NELL2: variants seen among roughly 807,000 people sequenced by gnomAD.
NELL2 encodes the protein protein kinase C-binding protein NELL2.
A neutral mutation model predicts 109.6 loss-of-function variants in NELL2; 41 were observed. The observed-to-expected ratio is 0.37, with a 90% CI of 0.29 to 0.49. The LOEUF (loss-of-function observed/expected upper bound fraction) is 0.49. NELL2 is among the 20% of genes least tolerant of loss of function. The pLI, the probability that NELL2 is intolerant of heterozygous loss-of-function variation, is 0.98. For synonymous variants in NELL2, 355 were observed against 344.7 expected (o/e 1.03, Z -0.33); for missense variants, 900 against 1,008.3 (o/e 0.89, Z 1.45).
chr12:44,802,309 T>C (rs1187050069), intron 3 of NELL2, among the ~76,000 whole-genome samples: 1 of 152,088 alleles, frequency 6.6e-6, no homozygotes, highest in Non-Finnish European at 1.5e-5. Context: ...CTATAAATAT[T>C]GAAAAAACAA....
At chr12:44,759,376 A>G (rs954001903) in intron 9 of NELL2, among the ~76,000 whole-genome samples, 1 of 152,176 alleles carries the variant, frequency 6.6e-6, no homozygotes, top group African/African-American at 2.4e-5. Flanking sequence ...CCTAGGAGTA[A>G]AGAGGCTTTG....
chr12:44,893,941 A>G (rs1945564693), intron 1 of NELL2, among the ~76,000 whole-genome samples: 1 of 152,230 alleles, frequency 6.6e-6, no homozygotes, highest in East Asian at 1.9e-4. Flanking sequence ...TTTATAAAGT[A>G]TAATAAAATT....
intron 2 of NELL2, among the ~76,000 whole-genome samples, chr12:44,863,515 A>G (rs571103128): frequency 1.8e-3 from 87 of 47,234 alleles, no homozygotes; most frequent in Non-Finnish European, 3.6e-3. Context: ...AAATTGTAGA[A>G]GTAATAAAAA....
In NELL2 at chr12:44,899,501, T is replaced by TCCAA. The variant is rs557882053; in HGVS notation, c.38+14294_38+14297dup. 2.0e-5 allele frequency among the ~76,000 whole-genome samples: 3 copies of TCCAA among 152,220 alleles called. No individual in the cohort carries two copies. In the South Asian group the frequency reaches 6.2e-4, roughly 32 times the overall value. On this transcript the variant is annotated intron_variant, in intron 1 of 20. Transcript: ENST00000333837. ...AGAATTTTCCACCCAGAATTTTATA[T>TCCAA]CCAACCAAACTAAGCTTCAAAAGCG...
At chr12:44,711,464 G>C (rs1482142279) in intron 10 of NELL2, 70 bp from the exon 11 acceptor site, 1 of 1,330,240 alleles carries the variant, frequency 7.5e-7, no homozygotes, top group Admixed American at 1.8e-5. Context: ...TCCAGATCCA[G>C]CATCTGAGAA....
intron 11 of NELL2, 132 bp from the exon 12 acceptor site, chr12:44,703,986 T>C: frequency 1.4e-6 from 1 of 710,320 alleles, no homozygotes; most frequent in Non-Finnish European, 2.2e-6. Context: ...TTCATCAACA[T>C]TTACAGAAGA....
At chr12:44,876,546 C>T (rs1469514227), upstream of NELL2, 3 of 1,455,978 alleles carry the variant, frequency 2.1e-6, no homozygotes, top group Non-Finnish European at 2.7e-6. Flanking sequence ...TGCCAACCTC[C>T]TTTCGGGATT....
rs1476859922 is a variant in NELL2 at position 44,642,082 on chromosome 12, T to G, written c.1444+23402A>C. The stretch of plus-strand genomic sequence containing the variant: ...TCCTTGCCCAATTCAGAGGCTTTTG[T>G]GAAGTGAGAAAGGATTGATCCATGC... On this transcript the variant is annotated intron_variant, in intron 13 of 19. Transcript: ENST00000429094. 1.3e-5 allele frequency among the ~76,000 whole-genome samples: 2 copies of G among 152,146 alleles called. 1 individual carries two copies. The highest frequency in any genetic ancestry group is 2.9e-5 in the Non-Finnish European group (2 of 68,040).
rs866415347 is a variant in NELL2, at chr12:44,791,133, A to G, written c.336-11111T>C. ...TGTATATATATATGTATATATATAT[A>G]TACACACGCACACACATACACACAC... On this transcript the variant is annotated intron_variant, in intron 3 of 19. Coordinates refer to ENST00000429094, the MANE Select transcript of NELL2 (RefSeq NM_001145108.2). Among the ~76,000 whole-genome samples, 111 of 91,566 alleles carry G rather than the reference A, an allele frequency of 1.2e-3. 5 individuals are homozygous for G. The highest frequency in any genetic ancestry group is 4.6e-3 in the African/African-American group (101 of 21,792). The allele number at this position is 91,566 out of a possible 152,430, so 60.1% of individuals were successfully genotyped here.
chr12:44,729,724 T>TGGATTACAGGCATGCGCCTGTACTA (rs899136884), intron 9 of NELL2, among the ~76,000 whole-genome samples: 3 of 151,406 alleles, frequency 2.0e-5, no homozygotes, highest in Non-Finnish European at 2.9e-5. Flanking sequence ...TTTTTTGAGA[T>TGGATTACAGGCATGCGCCTGTACTA]GGATTACAGG....
chr12:44,611,069 C>G, intron 13 of NELL2, 99 bp from the exon 14 acceptor site: 1 of 1,137,554 alleles, frequency 8.8e-7, no homozygotes, highest in East Asian at 2.4e-5. Flanking sequence ...TAAATTCTTT[C>G]AACCACAGAC....
At chr12:44,845,369 TG>T (rs904089639) in intron 2 of NELL2, among the ~76,000 whole-genome samples, 1 of 152,210 alleles carries the variant, frequency 6.6e-6, no homozygotes, top group African/African-American at 2.4e-5. Context: ...TTTAGAACTG[TG>T]CTGTTCAACA....
At chr12:44,819,661 C>G (rs1408891692) in intron 2 of NELL2, among the ~76,000 whole-genome samples, 1 of 152,124 alleles carries the variant, frequency 6.6e-6, no homozygotes, top group Admixed American at 6.5e-5. Context: ...GAAGCTCATT[C>G]ACTCATGCAG....
At chr12:44,706,451 T>C (rs943252610) in intron 11 of NELL2, among the ~76,000 whole-genome samples, 3 of 152,150 alleles carry the variant, frequency 2.0e-5, no homozygotes, top group Non-Finnish European at 4.4e-5. Flanking sequence ...ATCTTCATAG[T>C]TGCATTTCCA....
At chr12:44,866,645 TGAGA>T (rs909384400) in intron 2 of NELL2, among the ~76,000 whole-genome samples, 2 of 151,506 alleles carry the variant, frequency 1.3e-5, no homozygotes, top group Admixed American at 6.6e-5. Context: ...CAGAAATAAA[TGAGA>T]GAGACTAAAA....
At chr12:44,577,762 G>C (rs1003515324) in intron 15 of NELL2, among the ~76,000 whole-genome samples, 1 of 152,136 alleles carries the variant, frequency 6.6e-6, no homozygotes, top group Non-Finnish European at 1.5e-5. Flanking sequence ...ACAGGCATGA[G>C]TCACTGCACC....
At chr12:44,682,992 C>T (rs540336359) in intron 12 of NELL2, among the ~76,000 whole-genome samples, 2 of 152,302 alleles carry the variant, frequency 1.3e-5, no homozygotes, top group Non-Finnish European at 2.9e-5. Context: ...GACATTGAAT[C>T]TATAAATTAC....
chr12:44,903,388 A>G (rs554568635), intron 1 of NELL2, among the ~76,000 whole-genome samples: 8 of 152,292 alleles, frequency 5.3e-5, no homozygotes, highest in African/African-American at 1.9e-4. Flanking sequence ...TCATGAAACA[A>G]CAGATGCTGG....
chr12:44,665,375 G>A (rs1174393391), intron 13 of NELL2, 109 bp downstream of exon 13: 1 of 913,150 alleles, frequency 1.1e-6, no homozygotes, highest in Non-Finnish European at 1.6e-6. Flanking sequence ...TTTTGCTAAT[G>A]TTTTGTTGTA....
Sources: gnomAD v4.1 joint callset for allele counts (sites outside exome capture counted in the v4.1 genomes callset) on GRCh38, gnomAD v4.1.1 for gene constraint, MANE v1.5 for transcripts, NCBI Gene and HGNC (gene_info 2026-07-23, HGNC 2026-07-21) for gene names.